SORCS1: variants seen among roughly 807,000 people sequenced by gnomAD.
SORCS1 encodes sortilin related VPS10 domain containing receptor 1, also known as VPS10 domain-containing receptor SorCS1.
Under a neutral mutation model 146.1 loss-of-function variants are expected in SORCS1, and 60 were observed. That is an observed-to-expected ratio of 0.41 (90% CI 0.33 to 0.51). The LOEUF (loss-of-function observed/expected upper bound fraction) is 0.51, where lower values mean the gene tolerates loss of function less well. Ranked by LOEUF, SORCS1 falls within the 20% of genes least tolerant of loss-of-function variation. The probability of loss-of-function intolerance (pLI) is 0.21; values close to 1 mark genes in which losing one functional copy is unlikely to be tolerated. For missense variants in SORCS1, 1,352 were observed against 1,487.6 expected (o/e 0.91, Z 1.50); for synonymous variants, 637 against 584.0 (o/e 1.09, Z -1.31).
intron 6 of SORCS1, 125 bp downstream of exon 6, chr10:106,729,925 T>G: frequency 8.5e-7 from 1 of 1,176,896 alleles, no homozygotes; most frequent in East Asian, 2.4e-5. Flanking sequence ...CAACCCCAAA[T>G]CCTCAGAAAC....
chr10:106,837,470 T>C (rs1308316258), intron 2 of SORCS1, among the ~76,000 whole-genome samples: 1 of 151,848 alleles, frequency 6.6e-6, no homozygotes, highest in Non-Finnish European at 1.5e-5. Flanking sequence ...TCCAATTCCA[T>C]GATGATTGAA....
intron 5 of SORCS1, among the ~76,000 whole-genome samples, chr10:106,760,129 T>C (rs1274397542): frequency 1.3e-5 from 2 of 152,150 alleles, no homozygotes; most frequent in Non-Finnish European, 2.9e-5. Context: ...AGGGTCCTTA[T>C]GATGGGATTA....
At chr10:106,619,115 T>G (rs1456037583) in intron 20 of SORCS1, among the ~76,000 whole-genome samples, 1 of 152,094 alleles carries the variant, frequency 6.6e-6, no homozygotes, top group Non-Finnish European at 1.5e-5. Context: ...CTCTTGAGAA[T>G]CTGGTTTTCT....
chr10:106,719,630 C>T (rs1855638984), intron 6 of SORCS1, among the ~76,000 whole-genome samples: 2 of 152,074 alleles, frequency 1.3e-5, no homozygotes, highest in African/African-American at 4.8e-5. Context: ...CCAGGATGGT[C>T]TCGATCTCTT....
chr10:107,166,111 T>C (rs571056751), upstream of SORCS1, among the ~76,000 whole-genome samples: 1 of 152,340 alleles, frequency 6.6e-6, no homozygotes, highest in African/African-American at 2.4e-5. Context: ...GTACATGTTA[T>C]TACATTATTT....
upstream of SORCS1, among the ~76,000 whole-genome samples, chr10:107,165,920 C>T (rs1175931777): frequency 6.6e-6 from 1 of 152,154 alleles, no homozygotes; most frequent in Non-Finnish European, 1.5e-5. This position sits in a 1 kb window ranked among gnomAD's most constrained non-coding sequence, Gnocchi z 4.0. Flanking sequence ...TAGTATCTGC[C>T]CAGCCTAGCA....
chr10:106,894,964 T>C (rs1165552558), intron 2 of SORCS1, among the ~76,000 whole-genome samples: 1 of 152,210 alleles, frequency 6.6e-6, no homozygotes, highest in Non-Finnish European at 1.5e-5. Flanking sequence ...TTTTTGTAAG[T>C]ACCCCAACAT....
At chr10:106,918,376 G>T (rs1489397363) in intron 2 of SORCS1, among the ~76,000 whole-genome samples, 3 of 151,984 alleles carry the variant, frequency 2.0e-5, no homozygotes, top group Admixed American at 1.3e-4. Flanking sequence ...TGTTAGCCAG[G>T]ATGGTCTCAA....
At chr10:107,024,355 G>A (rs1037266458) in intron 1 of SORCS1, among the ~76,000 whole-genome samples, 2 of 151,996 alleles carry the variant, frequency 1.3e-5, no homozygotes, top group African/African-American at 4.8e-5. Flanking sequence ...GAGAGAGTGA[G>A]AAGAGAGTTA....
chr10:107,012,000 A>T (rs1957715631), intron 1 of SORCS1, among the ~76,000 whole-genome samples: 1 of 152,180 alleles, frequency 6.6e-6, no homozygotes. Flanking sequence ...CTGTTTTATC[A>T]TTTTTTTAGT....
At chr10:107,011,705 C>T (rs1957702764) in intron 1 of SORCS1, among the ~76,000 whole-genome samples, 1 of 152,174 alleles carries the variant, frequency 6.6e-6, no homozygotes, top group Non-Finnish European at 1.5e-5. Flanking sequence ...AATGTTTCAC[C>T]TTCTCCTTAC....
chr10:106,895,161 T>C (rs1160187778), intron 2 of SORCS1, among the ~76,000 whole-genome samples: 1 of 152,218 alleles, frequency 6.6e-6, no homozygotes, highest in Admixed American at 6.5e-5. Flanking sequence ...GTTTTGTGCT[T>C]TCTCTGTCCC....
At chr10:107,174,562 C>G in the SORCS1 span, among the ~76,000 whole-genome samples, 1 of 152,044 alleles carries the variant, frequency 6.6e-6, no homozygotes, top group African/African-American at 2.4e-5. Flanking sequence ...GGCATTGTGA[C>G]TATGATCTCT....
chr10:106,962,839 C>T (rs562959382), intron 1 of SORCS1, among the ~76,000 whole-genome samples: 1 of 152,282 alleles, frequency 6.6e-6, no homozygotes, highest in South Asian at 2.1e-4. Context: ...AAGATGCCAG[C>T]ATGTTGGGCG....
At chr10:107,138,411 C>T (rs1015807156) in intron 1 of SORCS1, among the ~76,000 whole-genome samples, 7 of 152,186 alleles carry the variant, frequency 4.6e-5, no homozygotes, top group African/African-American at 1.7e-4. Flanking sequence ...TTTCTTACTG[C>T]ATCCTTTTCA....
At chr10:107,124,252 A>G (rs1966575321) in intron 1 of SORCS1, among the ~76,000 whole-genome samples, 1 of 152,074 alleles carries the variant, frequency 6.6e-6, no homozygotes, top group African/African-American at 2.4e-5. Flanking sequence ...AGGAAGAGAT[A>G]TGTGTTCAGC....
In SORCS1 at chr10:106,819,870, A is replaced by G. The variant is rs545365984; in HGVS notation, c.726+9704T>C. On this transcript the variant is annotated intron_variant, in intron 3 of 25. Transcript: ENST00000263054. ...CTGAGAGATCTCCAGAGATTCCTAA[A>G]CTTCTACTGCTGAAAATATTTACAA... Among the ~76,000 whole-genome samples the G allele has an allele frequency of 9.9e-4, 151 of 152,198 alleles. 1 individual carries two copies. The highest frequency in any genetic ancestry group is 3.5e-3 in the African/African-American group (146 of 41,526).
intron 6 of SORCS1, among the ~76,000 whole-genome samples, chr10:106,724,012 A>G (rs1161807066): frequency 6.6e-6 from 1 of 152,160 alleles, no homozygotes. Context: ...ATATATCAAG[A>G]TCTACTGGCA....
At position 106,597,339 on chromosome 10, in the gene SORCS1, A is replaced by T; in HGVS notation, c.3265+12T>A. ...GAGCCACCAGCCAGAACCCCGGGAC[A>T]TGGACACTGACCCGCTGTTAAGTGA... On this transcript the variant is annotated intron_variant, in intron 24 of 25. Coordinates refer to ENST00000263054, the MANE Select transcript of SORCS1 (RefSeq NM_052918.5). 6.2e-7 allele frequency: 1 copy of T among 1,612,670 alleles called. No individual in the cohort carries two copies. The highest frequency in any genetic ancestry group is 8.5e-7 in the Non-Finnish European group (1 of 1,178,764).
Sources: allele counts gnomAD v4.1 joint callset (sites outside exome capture counted in the v4.1 genomes callset), GRCh38; gene constraint gnomAD v4.1.1; non-coding constraint Gnocchi (gnomAD v3.1); transcripts MANE v1.5; gene names NCBI Gene and HGNC (gene_info 2026-07-23, HGNC 2026-07-21).